The following FAM171B variants were observed in gnomAD, a reference collection of about 807,000 sequenced individuals.
FAM171B encodes family with sequence similarity 171 member B.
A neutral mutation model predicts 75.6 loss-of-function variants in FAM171B; 19 were observed. That is an observed-to-expected ratio of 0.25 (90% CI 0.18 to 0.37). The LOEUF (loss-of-function observed/expected upper bound fraction) is 0.37. FAM171B is among the 10% of genes least tolerant of loss of function. FAM171B has a pLI of 1.00. For synonymous variants in FAM171B, 367 were observed against 361.7 expected, an observed-to-expected ratio of 1.01 and a Z score of -0.17; for missense variants, 848 against 982.4, an observed-to-expected ratio of 0.86 and a Z score of 1.83.
chr2:186,737,796 A>C (rs930657), intron 1 of FAM171B, among the ~76,000 whole-genome samples: 74,032 of 152,174 alleles, frequency 0.49, 19,129 homozygotes, highest in Middle Eastern at 0.66. Context: ...TTTTATTCTA[A>C]GAACTTTGAC....
At chr2:186,699,060 G>A (rs1689619333) in intron 1 of FAM171B, among the ~76,000 whole-genome samples, 1 of 152,112 alleles carries the variant, frequency 6.6e-6, no homozygotes, top group Admixed American at 6.6e-5. Flanking sequence ...CCAAATATTG[G>A]CGATTGTGAA....
At chr2:186,725,659 C>G (rs771062200) in intron 1 of FAM171B, among the ~76,000 whole-genome samples, 5 of 152,206 alleles carry the variant, frequency 3.3e-5, no homozygotes, top group Non-Finnish European at 5.9e-5. Context: ...TCAGTACTTA[C>G]ATGGCAGTGG....
chr2:186,717,284 C>A (rs904354955), intron 1 of FAM171B, among the ~76,000 whole-genome samples: 7 of 151,770 alleles, frequency 4.6e-5, no homozygotes, highest in Non-Finnish European at 8.8e-5. Flanking sequence ...ATCTCTGAGC[C>A]CAAAGAAATT....
At position 186,751,166 on chromosome 2, in the gene FAM171B, G is replaced by A. The variant is rs1441120400; in HGVS notation, c.757G>A (p.Ala253Thr). 6.2e-7 allele frequency: 1 copy of A among 1,607,672 alleles called. No individual in the cohort carries two copies. Among genetic ancestry groups the A allele is most frequent in the Non-Finnish European group, 8.5e-7 (1 of 1,175,992 alleles). Residue 253 changes from alanine to threonine, a missense_variant, in exon 5 of 8, where the codon GCA becomes ACA. Transcript: ENST00000304698. ...FENIELTPLA[A>T]ICVKIYSGGK... Reference sequence around the variant, plus strand: ...AAACATTGAATTGACTCCTCTTGCTGCAATATGTGTGAAAATATATTCTGG... The same window carrying A: ...AAACATTGAATTGACTCCTCTTGCTACAATATGTGTGAAAATATATTCTGG...
intron 1 of FAM171B, among the ~76,000 whole-genome samples, chr2:186,730,924 T>C (rs1332546652): frequency 6.6e-6 from 1 of 152,190 alleles, no homozygotes; most frequent in African/African-American, 2.4e-5. Flanking sequence ...ATCTCTGAAA[T>C]TGAACTTTGA....
At chr2:186,726,088 A>G (rs116196765) in intron 1 of FAM171B, among the ~76,000 whole-genome samples, 3 of 152,322 alleles carry the variant, frequency 2.0e-5, no homozygotes, top group Admixed American at 6.5e-5. Context: ...GCTTTGGTGA[A>G]TCACACTTAT....
rs150487269 is a variant in FAM171B at position 186,764,623 on chromosome 2, T to C, written c.*1800T>C. 1 of 151,990 alleles carries C rather than the reference T, an allele frequency of 6.6e-6. No homozygotes were observed. The allele number at this position is 151,990 out of a possible 1,614,324, so 9.4% of individuals were successfully genotyped here. On this transcript the variant is annotated 3_prime_UTR_variant, in exon 8 of 8. Coordinates refer to ENST00000304698, the MANE Select transcript of FAM171B (RefSeq NM_177454.4). ...GTGCTCTGCTGAAGTGCCTTTGATA[T>C]AGACTTGCATTATTAGAAGGATATA...
chr2:186,701,927 C>T (rs1199645533), intron 1 of FAM171B, among the ~76,000 whole-genome samples: 3 of 152,204 alleles, frequency 2.0e-5, no homozygotes, highest in Non-Finnish European at 2.9e-5. Context: ...CATTCATTTA[C>T]TTGGCTTAGT....
chr2:186,733,341 G>A (rs1266384280), intron 1 of FAM171B, among the ~76,000 whole-genome samples: 1 of 152,216 alleles, frequency 6.6e-6, no homozygotes, highest in Non-Finnish European at 1.5e-5. Flanking sequence ...TTGCAATGAA[G>A]AAAGAGTTTA....
In FAM171B at chr2:186,747,226, A is replaced by G. The variant is rs749686611; in HGVS notation, c.700A>G (p.Thr234Ala). ...GAAAGTGGACAATTTTCTGCATACAACTGGAATTACTCTCAATAAACCAGG... is the reference window on the plus strand; with the variant it reads ...GAAAGTGGACAATTTTCTGCATACAGCTGGAATTACTCTCAATAAACCAGG... ...FLKVDNFLHTTGITLNKPGFE... is the reference protein window; with the variant it reads ...FLKVDNFLHTAGITLNKPGFE... Residue 234 changes from threonine to alanine, a missense_variant, in exon 4 of 8, where the codon ACT becomes GCT. Thr to Ala is a moderately conservative substitution (Grantham distance 58). Transcript: ENST00000304698. The G allele has an allele frequency of 1.2e-6, 2 of 1,602,894 alleles. No individual in the cohort carries two copies. Among genetic ancestry groups the G allele is most frequent in the Non-Finnish European group, 1.7e-6 (2 of 1,176,306 alleles).
At chr2:186,757,962 T>C (rs896500310) in intron 6 of FAM171B, among the ~76,000 whole-genome samples, 5 of 152,224 alleles carry the variant, frequency 3.3e-5, no homozygotes, top group Admixed American at 3.3e-4. Flanking sequence ...AAAGTTACTC[T>C]CATTTCTTTT....
chr2:186,763,151 C>A lies in FAM171B; in HGVS notation c.*328C>A. On this transcript the variant is annotated 3_prime_UTR_variant, in exon 8 of 8. Transcript: ENST00000304698. ...AAGAATAACAGTGAAATATATACTC[C>A]TCAAGTTGCCTCCAAAAATGTTGCC... The A allele has an allele frequency of 5.1e-6, 1 of 197,046 alleles. No homozygotes were observed. The highest frequency in any genetic ancestry group is 1.0e-5 in the Non-Finnish European group (1 of 96,740). The allele number at this position is 197,046 out of a possible 1,614,324, so 12.2% of individuals were successfully genotyped here.
chr2:186,721,513 T>G (rs1689953508), intron 1 of FAM171B, among the ~76,000 whole-genome samples: 1 of 152,196 alleles, frequency 6.6e-6, no homozygotes. Flanking sequence ...TTTTCTAGAA[T>G]GTTCTTACTA....
chr2:186,737,941 G>A (rs376619489), intron 1 of FAM171B, among the ~76,000 whole-genome samples: 4 of 152,172 alleles, frequency 2.6e-5, no homozygotes, highest in Admixed American at 6.5e-5. Context: ...TGCTCGGCTC[G>A]CGCCTGCTCA....
intron 1 of FAM171B, 77 bp from the exon 2 acceptor site, chr2:186,740,151 G>A: frequency 2.0e-6 from 2 of 985,340 alleles, no homozygotes; most frequent in Non-Finnish European, 1.6e-6. Flanking sequence ...ATTTAGATAT[G>A]TTGAATGACA....
chr2:186,714,627 A>G (rs1347373403), intron 1 of FAM171B, among the ~76,000 whole-genome samples: 1 of 152,194 alleles, frequency 6.6e-6, no homozygotes, highest in African/African-American at 2.4e-5. Context: ...TCAGAGTGTT[A>G]TATAGGAATT....
At position 186,754,738 on chromosome 2, in the gene FAM171B, C is replaced by A. The variant is rs189319608; in HGVS notation, c.1012+689C>A. On this transcript the variant is annotated intron_variant, in intron 6 of 7. Coordinates refer to ENST00000304698, the MANE Select transcript of FAM171B (RefSeq NM_177454.4). ...TGAGGATGTATTAAATCAAGCTTGT[C>A]CAACCCCCAGTCCACAGGCTGTATG... is the stretch of plus-strand genomic sequence containing the variant. 7.2e-5 allele frequency among the ~76,000 whole-genome samples: 11 copies of A among 152,246 alleles called. 1 individual carries two copies. The East Asian group carries it at 2.1e-3, about 29-fold the overall frequency.
In FAM171B at chr2:186,694,167, C is replaced by T. The variant is rs1689537461; in HGVS notation, c.-7C>T. 6.3e-7 allele frequency: 1 copy of T among 1,589,918 alleles called. No homozygotes were observed. Among genetic ancestry groups the T allele is most frequent in the Non-Finnish European group, 8.5e-7 (1 of 1,174,144 alleles). The stretch of plus-strand genomic sequence containing the variant: ...AATATGCCGCCGCGGCCCTCTGGCT[C>T]TAGGCCATGGCGAGGCTCTGCCGGC... On this transcript the variant is annotated 5_prime_UTR_variant, in exon 1 of 8. Transcript: ENST00000304698.
At chr2:186,746,454 A>G (rs1420120700) in intron 3 of FAM171B, among the ~76,000 whole-genome samples, 1 of 152,234 alleles carries the variant, frequency 6.6e-6, no homozygotes, top group Admixed American at 6.5e-5. Flanking sequence ...TTTCTCTTAT[A>G]GATGTTAAGT....
Sources: allele counts gnomAD v4.1 joint callset (sites outside exome capture counted in the v4.1 genomes callset), GRCh38; gene constraint gnomAD v4.1.1; transcripts MANE v1.5; gene names NCBI Gene and HGNC (gene_info 2026-07-23, HGNC 2026-07-21).